Variants in ARB2A observed in about 807,000 individuals in gnomAD.
The protein encoded by ARB2A is ARB2 cotranscriptional regulator A.
At chr5:93,939,408 T>C in the ARB2A span, among the ~76,000 whole-genome samples, 1 of 152,158 alleles carries the variant, frequency 6.6e-6, no homozygotes, top group South Asian at 2.1e-4. Flanking sequence ...TCTTAAGTTG[T>C]GTCCTTTATT....
chr5:93,900,285 G>C, the ARB2A span, among the ~76,000 whole-genome samples: 1 of 152,082 alleles, frequency 6.6e-6, no homozygotes, highest in African/African-American at 2.4e-5. Context: ...AAAATAAAAA[G>C]TAAACAAAGT....
the ARB2A span, among the ~76,000 whole-genome samples, chr5:94,105,671 A>G: frequency 6.6e-6 from 1 of 152,054 alleles, no homozygotes; most frequent in African/African-American, 2.4e-5. Flanking sequence ...TGAATACCCA[A>G]AACCATCCTA....
At chr5:93,749,768 G>A in the ARB2A span, among the ~76,000 whole-genome samples, 1 of 152,036 alleles carries the variant, frequency 6.6e-6, no homozygotes, top group Non-Finnish European at 1.5e-5. Context: ...GTAATATCTA[G>A]AGTAAAAAGT....
At chr5:94,077,202 G>A in the ARB2A span, among the ~76,000 whole-genome samples, 2 of 151,394 alleles carry the variant, frequency 1.3e-5, no homozygotes, top group Non-Finnish European at 2.9e-5. Flanking sequence ...GTGAAACCCC[G>A]TTTCTACTAA....
At chr5:93,740,823 G>C in the ARB2A span, 1 of 1,613,828 alleles carries the variant, frequency 6.2e-7, no homozygotes, top group East Asian at 2.2e-5. Flanking sequence ...TCTGCAGCTG[G>C]AGGCACCCAG....
the ARB2A span, among the ~76,000 whole-genome samples, chr5:93,977,408 C>A: frequency 6.6e-6 from 1 of 151,946 alleles, no homozygotes; most frequent in South Asian, 2.1e-4. Context: ...GGTACTGGTA[C>A]AAAAATAGAT....
At chr5:93,651,093 G>C in the ARB2A span, among the ~76,000 whole-genome samples, 1 of 151,102 alleles carries the variant, frequency 6.6e-6, no homozygotes, top group African/African-American at 2.4e-5. Context: ...AACAACAGAG[G>C]CCAGAAAACA....
chr5:94,006,326 TA>T, the ARB2A span, among the ~76,000 whole-genome samples: 1 of 152,186 alleles, frequency 6.6e-6, no homozygotes, highest in African/African-American at 2.4e-5. Context: ...ACTAAAATAA[TA>T]AAATTATAGA....
chr5:94,107,715 A>G, the ARB2A span, among the ~76,000 whole-genome samples: 2 of 152,206 alleles, frequency 1.3e-5, no homozygotes, highest in Non-Finnish European at 2.9e-5. Context: ...TATGTGGCAC[A>G]TGATCTGAAC....
the ARB2A span, among the ~76,000 whole-genome samples, chr5:94,104,379 C>T: frequency 6.6e-6 from 1 of 151,472 alleles, no homozygotes. Flanking sequence ...TTAGGAACAC[C>T]TCTACCTACA....
At chr5:93,691,133 C>A in the ARB2A span, among the ~76,000 whole-genome samples, 13 of 152,060 alleles carry the variant, frequency 8.5e-5, no homozygotes, top group Non-Finnish European at 1.8e-4. Flanking sequence ...CAAATGATCA[C>A]AACTCCTGGC....
At chr5:93,640,094 GA>G in the ARB2A span, among the ~76,000 whole-genome samples, 1 of 145,310 alleles carries the variant, frequency 6.9e-6, no homozygotes, top group Admixed American at 6.9e-5. Flanking sequence ...AAAAATTTAT[GA>G]AAAAAATTGA....
the ARB2A span, among the ~76,000 whole-genome samples, chr5:93,786,336 T>C: frequency 1.3e-5 from 2 of 152,188 alleles, no homozygotes; most frequent in African/African-American, 4.8e-5. Context: ...GAGGGACTAC[T>C]AGAGGAAAAT....
At chr5:94,035,191 T>TTATA in the ARB2A span, among the ~76,000 whole-genome samples, 1 of 44,008 alleles carries the variant, frequency 2.3e-5, no homozygotes, top group Non-Finnish European at 4.5e-5. Flanking sequence ...AACCAGGATC[T>TTATA]TATACATACA....
chr5:93,851,083 C>A, the ARB2A span, among the ~76,000 whole-genome samples: 14 of 151,930 alleles, frequency 9.2e-5, no homozygotes, highest in African/African-American at 2.4e-4. Context: ...TCAGATGGAC[C>A]CAGTTAAGTA....
the ARB2A span, among the ~76,000 whole-genome samples, chr5:93,771,447 T>C: frequency 1.1e-4 from 16 of 150,388 alleles, no homozygotes; most frequent in South Asian, 2.5e-3. Flanking sequence ...AAGCCAAAAT[T>C]GACAAATGGG....
At chr5:93,659,744 T>C in the ARB2A span, among the ~76,000 whole-genome samples, 2 of 152,160 alleles carry the variant, frequency 1.3e-5, no homozygotes, top group Admixed American at 1.3e-4. Flanking sequence ...GCTGTAGTTA[T>C]AATGGTCTTG....
chr5:93,919,116 AAAC>A, the ARB2A span, among the ~76,000 whole-genome samples: 1 of 152,208 alleles, frequency 6.6e-6, no homozygotes, highest in Non-Finnish European at 1.5e-5. Context: ...GTTAGGGAGA[AAAC>A]AAAGTCTGGG....
At chr5:93,928,582 A>G in the ARB2A span, among the ~76,000 whole-genome samples, 5 of 152,186 alleles carry the variant, frequency 3.3e-5, no homozygotes, top group African/African-American at 7.2e-5. Flanking sequence ...AAAGAGATCT[A>G]TATGAACACA....
Sources: gnomAD v4.1 joint callset for allele counts (sites outside exome capture counted in the v4.1 genomes callset) on GRCh38, gnomAD v4.1.1 for gene constraint, MANE v1.5 for transcripts, NCBI Gene and HGNC (gene_info 2026-07-23, HGNC 2026-07-21) for gene names.